Variants in SZRD1 observed in about 807,000 individuals in gnomAD.
The protein encoded by SZRD1 is SUZ RNA binding domain containing 1.
A neutral mutation model predicts 17.6 loss-of-function variants in SZRD1; 7 were observed. That is an observed-to-expected ratio of 0.40 (90% confidence interval 0.23 to 0.75). SZRD1 has a LOEUF of 0.75. Among genes scored for constraint, SZRD1 ranks in the 30% least tolerant of loss-of-function variants. The pLI is 0.38. For missense variants in SZRD1, 178 were observed against 201.8 expected, an observed-to-expected ratio of 0.88 and a Z score of 0.71; for synonymous variants, 77 against 77.9, an observed-to-expected ratio of 0.99 and a Z score of 0.06.
intron 1 of SZRD1, among the ~76,000 whole-genome samples, chr1:16,367,517 C>T (rs1411302416): frequency 2.6e-5 from 4 of 152,352 alleles, no homozygotes; most frequent in East Asian, 1.9e-4. Flanking sequence ...CCTGGTGCGC[C>T]TCCCTCCGCC....
At chr1:16,390,100 AAC>A (rs1384208767) in intron 1 of SZRD1, among the ~76,000 whole-genome samples, 4 of 152,202 alleles carry the variant, frequency 2.6e-5, no homozygotes, top group African/African-American at 7.2e-5. Flanking sequence ...TCTCTAGAAA[AAC>A]ACAGAATTTT....
intron 1 of SZRD1, among the ~76,000 whole-genome samples, chr1:16,383,623 C>CTTTTT (rs560831090): frequency 1.4e-4 from 19 of 131,160 alleles, no homozygotes; most frequent in Admixed American, 1.2e-3. Flanking sequence ...TCTTTTTTTC[C>CTTTTT]TTTTTTTTTT....
intron 1 of SZRD1, among the ~76,000 whole-genome samples, chr1:16,372,832 A>G (rs1054078956): frequency 2.6e-5 from 4 of 152,180 alleles, no homozygotes; most frequent in African/African-American, 9.7e-5. Context: ...ATTGCATACC[A>G]GGCATGGAGG....
chr1:16,379,497 C>T (rs908654654), intron 1 of SZRD1, among the ~76,000 whole-genome samples: 1 of 152,250 alleles, frequency 6.6e-6, no homozygotes, highest in Admixed American at 6.5e-5. Context: ...CTGCTGGACG[C>T]TCCACAGGTT....
At chr1:16,387,165 AG>A in intron 1 of SZRD1, 1 of 394,920 alleles carries the variant, frequency 2.5e-6, no homozygotes, top group Non-Finnish European at 5.0e-6. Context: ...TTACATGCCA[AG>A]TATGTTAATC....
chr1:16,383,543 A>G (rs1283372133), intron 1 of SZRD1, among the ~76,000 whole-genome samples: 1 of 151,362 alleles, frequency 6.6e-6, no homozygotes, highest in Non-Finnish European at 1.5e-5. Flanking sequence ...TCTAGAAGCA[A>G]CATTTTAAAA....
At chr1:16,387,878 A>T (rs188021749) in intron 1 of SZRD1, 1 of 358,316 alleles carries the variant, frequency 2.8e-6, no homozygotes, top group Non-Finnish European at 5.5e-6. Flanking sequence ...AATTCCATCA[A>T]TACAGTCATT....
intron 1 of SZRD1, among the ~76,000 whole-genome samples, chr1:16,380,156 A>C (rs2083074669): frequency 6.6e-6 from 1 of 152,182 alleles, no homozygotes; most frequent in East Asian, 1.9e-4. Context: ...TTAGAAAGTG[A>C]CTGTGGTGGA....
intron 1 of SZRD1, among the ~76,000 whole-genome samples, chr1:16,376,152 C>G (rs1329749757): frequency 1.3e-5 from 2 of 152,140 alleles, no homozygotes; most frequent in African/African-American, 2.4e-5. Context: ...ATCATGTGGT[C>G]GGTCCAGCCC....
At chr1:16,374,330 G>C (rs1355434382) in intron 1 of SZRD1, among the ~76,000 whole-genome samples, 8 of 152,186 alleles carry the variant, frequency 5.3e-5, no homozygotes, top group Non-Finnish European at 1.0e-4. Context: ...CTGCTGAGCA[G>C]TCTGTCCCTG....
intron 1 of SZRD1, among the ~76,000 whole-genome samples, chr1:16,384,723 G>A (rs1048927692): frequency 2.6e-5 from 4 of 152,156 alleles, no homozygotes; most frequent in African/African-American, 9.7e-5. Flanking sequence ...AGGTAGTCTC[G>A]CCTGCTATCC....
intron 1 of SZRD1, among the ~76,000 whole-genome samples, chr1:16,377,402 G>T (rs926019885): frequency 6.6e-6 from 1 of 152,070 alleles, no homozygotes; most frequent in Admixed American, 6.6e-5. Context: ...GGCCAACATG[G>T]TGAAACCCTG....
At chr1:16,378,285 CT>C (rs36025947) in intron 1 of SZRD1, among the ~76,000 whole-genome samples, 128 of 127,474 alleles carry the variant, frequency 1.0e-3, no homozygotes, top group Admixed American at 2.0e-3. Flanking sequence ...TTGGCAACTT[CT>C]TTTTTTTTTT....
chr1:16,385,598 C>T (rs1269822813), intron 1 of SZRD1, among the ~76,000 whole-genome samples: 1 of 152,178 alleles, frequency 6.6e-6, no homozygotes, highest in East Asian at 1.9e-4. Flanking sequence ...CTGTAATCTG[C>T]TTCACCTTAC....
Position 16,394,909 on chromosome 1 carries a change from C to T in SZRD1, c.357-129C>T, listed in dbSNP as rs558072521. On this transcript the variant is annotated intron_variant, in intron 3 of 3. Transcript: ENST00000401088. ...GGTGGGGGTTGCAGTGAGCGGAGAT[C>T]GTGCCACTGCACTCCAATCTAGGTG... The T allele has an allele frequency of 5.6e-4, 352 of 630,140 alleles. 1 individual carries two copies. The highest frequency in any genetic ancestry group is 7.6e-4 in the Non-Finnish European group (268 of 352,940). 39.0% of individuals were successfully genotyped at this position (630,140 alleles called of 1,614,324 possible). A position where few individuals can be genotyped will look rare whatever the true frequency, so the allele number is the denominator to read the frequency against.
chr1:16,383,623 CTTT>C (rs560831090), intron 1 of SZRD1, among the ~76,000 whole-genome samples: 3 of 131,146 alleles, frequency 2.3e-5, no homozygotes, highest in African/African-American at 2.8e-5. Context: ...TCTTTTTTTC[CTTT>C]TTTTTTTTTT....
At chr1:16,384,166 T>C (rs894997679) in intron 1 of SZRD1, among the ~76,000 whole-genome samples, 1 of 152,022 alleles carries the variant, frequency 6.6e-6, no homozygotes, top group African/African-American at 2.4e-5. Flanking sequence ...ATGCTACTGA[T>C]GGAAACAAGG....
In SZRD1 at chr1:16,391,592, CT is replaced by C. The variant is rs1480982816; in HGVS notation, c.101+171del. On this transcript the variant is annotated intron_variant, in intron 2 of 3. Transcript: ENST00000401088. This position sits in a 1 kb window ranked among gnomAD's most constrained non-coding sequence, Gnocchi z 4.3. The stretch of plus-strand genomic sequence containing the variant: ...GAGACCAGGACGTGGTGGCTTGAGG[CT>C]TTAGGGTTGAGGCTGGGGTGTTGCA... Among the ~76,000 whole-genome samples the C allele has an allele frequency of 6.6e-6, 1 of 152,098 alleles. No individual in the cohort carries two copies. The highest frequency in any genetic ancestry group is 6.5e-5 in the Admixed American group (1 of 15,272).
chr1:16,394,418 C>T (rs1008935265), intron 3 of SZRD1, among the ~76,000 whole-genome samples: 7 of 152,148 alleles, frequency 4.6e-5, no homozygotes, highest in Non-Finnish European at 7.3e-5. Flanking sequence ...AATGGTTCTG[C>T]GGAGCATGTG....
Sources: allele counts gnomAD v4.1 joint callset (sites outside exome capture counted in the v4.1 genomes callset), GRCh38; gene constraint gnomAD v4.1.1; non-coding constraint Gnocchi (gnomAD v3.1); transcripts MANE v1.5; gene names NCBI Gene and HGNC (gene_info 2026-07-23, HGNC 2026-07-21).